The following SGCZ variants were observed in gnomAD, a reference collection of about 807,000 sequenced individuals.
SGCZ encodes sarcoglycan zeta.
A neutral mutation model predicts 41.3 loss-of-function variants in SGCZ; 40 were observed. The observed-to-expected ratio is 0.97, with a 90% CI of 0.75 to 1.26. The LOEUF (loss-of-function observed/expected upper bound fraction) is 1.26, where lower values mean the gene tolerates loss of function less well. Ranked by LOEUF, SGCZ falls within the 50% of genes most tolerant of loss-of-function variation. The probability of loss-of-function intolerance (pLI) is 0.00; values close to 1 mark genes in which losing one functional copy is unlikely to be tolerated. For synonymous variants in SGCZ, 206 were observed against 137.5 expected, an observed-to-expected ratio of 1.50 and a Z score of -3.49; for missense variants, 552 against 369.8, an observed-to-expected ratio of 1.49 and a Z score of -4.04.
At chr8:14,557,647 T>G (rs1804073984) in intron 1 of SGCZ, among the ~76,000 whole-genome samples, 1 of 151,996 alleles carries the variant, frequency 6.6e-6, no homozygotes, top group Non-Finnish European at 1.5e-5. Context: ...ACACATGGCT[T>G]GCCAATTACC....
chr8:14,968,920 G>A (rs181189562), intron 1 of SGCZ, among the ~76,000 whole-genome samples: 4 of 151,966 alleles, frequency 2.6e-5, no homozygotes, highest in Non-Finnish European at 4.4e-5. Context: ...TCTCACAAAT[G>A]ATATTTTCCT....
At chr8:14,265,602 G>T (rs992181975) in intron 3 of SGCZ, among the ~76,000 whole-genome samples, 1 of 151,840 alleles carries the variant, frequency 6.6e-6, no homozygotes, top group African/African-American at 2.4e-5. Flanking sequence ...GATTTGCTTT[G>T]ATCTCAAAGA....
At chr8:14,152,364 C>T (rs912850865) in intron 5 of SGCZ, among the ~76,000 whole-genome samples, 4 of 152,070 alleles carry the variant, frequency 2.6e-5, no homozygotes, top group Admixed American at 2.6e-4. Context: ...TAAGGAAATG[C>T]AAACTAAAAG....
At chr8:14,634,562 C>A (rs1379852924) in intron 1 of SGCZ, among the ~76,000 whole-genome samples, 1 of 151,716 alleles carries the variant, frequency 6.6e-6, no homozygotes, top group Admixed American at 6.6e-5. Flanking sequence ...AGATTGAACC[C>A]TTACTTGAGC....
In SGCZ at chr8:14,351,973, C is replaced by A. The variant is rs769943687; in HGVS notation, c.235-27769G>T. Among the ~76,000 whole-genome samples the A allele has an allele frequency of 3.9e-5, 6 of 152,038 alleles. No individual in the cohort carries two copies. In the East Asian group the frequency reaches 7.7e-4, roughly 20 times the overall value. ...AAAGTACAAATAATACCGTCAACCT[C>A]GATGTCCTTTTACAATTATTTAGAT... On this transcript the variant is annotated intron_variant, in intron 2 of 7. Transcript: ENST00000382080.
chr8:14,275,616 C>T (rs1363593703), intron 3 of SGCZ, among the ~76,000 whole-genome samples: 2 of 152,134 alleles, frequency 1.3e-5, no homozygotes, highest in African/African-American at 4.8e-5. Flanking sequence ...GGAATACTGT[C>T]CTGAGCTAGT....
intron 1 of SGCZ, among the ~76,000 whole-genome samples, chr8:14,887,254 T>C (rs917724041): frequency 3.3e-5 from 5 of 152,204 alleles, no homozygotes; most frequent in Middle Eastern, 3.2e-3. Context: ...CATGCAGATA[T>C]CCTTATTCAT....
intron 1 of SGCZ, among the ~76,000 whole-genome samples, chr8:14,944,310 C>G (rs1436434714): frequency 6.6e-6 from 1 of 152,182 alleles, no homozygotes; most frequent in African/African-American, 2.4e-5. Context: ...CCAACAGAAA[C>G]ATAAATGTGG....
rs1443247173 is a variant in SGCZ at position 14,378,251 on chromosome 8, G to A, written c.235-54047C>T. On this transcript the variant is annotated intron_variant, in intron 2 of 7. Transcript: ENST00000382080. ...CTGGTGTGAGATGGTATCTCATTGT[G>A]GTTTTGATTTGCATTTCTCTGATGG... Among the ~76,000 whole-genome samples, 6 of 151,634 alleles carry A rather than the reference G, an allele frequency of 4.0e-5. No homozygotes were observed. The East Asian group carries it at 9.7e-4, about 25-fold the overall frequency.
chr8:14,215,208 G>C (rs1004378752), intron 4 of SGCZ, among the ~76,000 whole-genome samples: 12 of 151,986 alleles, frequency 7.9e-5, no homozygotes, highest in Middle Eastern at 3.4e-3. Flanking sequence ...ATATTAGAAA[G>C]GTAGCAGGAA....
intron 1 of SGCZ, among the ~76,000 whole-genome samples, chr8:14,950,803 A>C (rs62493341): frequency 7.9e-5 from 12 of 152,070 alleles, no homozygotes; most frequent in Non-Finnish European, 1.3e-4. Context: ...CTGTATTATT[A>C]ATATTACCCA....
In SGCZ at chr8:14,191,278, C is replaced by T. The variant is rs116176969; in HGVS notation, c.425-26576G>A. On this transcript the variant is annotated intron_variant, in intron 4 of 7. Transcript: ENST00000382080. Reference sequence around the variant, plus strand: ...TAGTCCAAATATATAATCCTTTAATCCATATGCTGCCTTTTCATTTTGTTG... The same window carrying T: ...TAGTCCAAATATATAATCCTTTAATTCATATGCTGCCTTTTCATTTTGTTG... Among the ~76,000 whole-genome samples, 1,140 of 151,912 alleles carry T rather than the reference C, an allele frequency of 7.5e-3. 18 individuals carry two copies. The highest frequency in any genetic ancestry group is 0.025 in the African/African-American group (1,044 of 41,304).
chr8:14,357,503 C>G (rs898381600), intron 2 of SGCZ, among the ~76,000 whole-genome samples: 1 of 152,152 alleles, frequency 6.6e-6, no homozygotes, highest in Non-Finnish European at 1.5e-5. Context: ...GTATGCAGAA[C>G]TATATGCTGT....
chr8:15,060,089 A>G (rs879352639), intron 1 of SGCZ, among the ~76,000 whole-genome samples: 2 of 152,186 alleles, frequency 1.3e-5, no homozygotes, highest in African/African-American at 2.4e-5. Context: ...AACTAGTTCA[A>G]CCATTGTGGA....
chr8:14,595,145 G>T (rs989103175), intron 1 of SGCZ, among the ~76,000 whole-genome samples: 3 of 152,032 alleles, frequency 2.0e-5, no homozygotes, highest in Non-Finnish European at 4.4e-5. Flanking sequence ...ACTGGAATTA[G>T]TTCTACCCTT....
chr8:14,672,884 T>G (rs1265449428), intron 1 of SGCZ, among the ~76,000 whole-genome samples: 1 of 152,146 alleles, frequency 6.6e-6, no homozygotes, highest in Non-Finnish European at 1.5e-5. Flanking sequence ...GAAAAATATT[T>G]TAGCCTTTCT....
chr8:14,665,976 G>A (rs547315777), intron 1 of SGCZ, among the ~76,000 whole-genome samples: 23 of 152,250 alleles, frequency 1.5e-4, no homozygotes, highest in Admixed American at 1.2e-3. Flanking sequence ...AAAATTGAAC[G>A]TCATCCCACA....
chr8:14,562,860 G>A (rs1459635136), intron 1 of SGCZ, among the ~76,000 whole-genome samples: 3 of 152,122 alleles, frequency 2.0e-5, no homozygotes, highest in Admixed American at 6.5e-5. Flanking sequence ...TTGAAGTGAC[G>A]AAGCTGGGAT....
chr8:14,582,297 T>G (rs983218343), intron 1 of SGCZ, among the ~76,000 whole-genome samples: 1 of 151,962 alleles, frequency 6.6e-6, no homozygotes, highest in African/African-American at 2.4e-5. Context: ...GAGTTAAAAT[T>G]TATAGGAAAA....
Sources: gnomAD v4.1 joint callset for allele counts (sites outside exome capture counted in the v4.1 genomes callset) on GRCh38, gnomAD v4.1.1 for gene constraint, MANE v1.5 for transcripts, NCBI Gene and HGNC (gene_info 2026-07-23, HGNC 2026-07-21) for gene names.